Variants in CASD1 observed in about 807,000 individuals in gnomAD.
CASD1 encodes CAS1 domain sialic acid O acetyltransferase 1.
In CASD1, 41 loss-of-function variants were observed where a neutral mutation model predicts 100.0. That is an observed-to-expected ratio of 0.41 (90% CI 0.32 to 0.53). The LOEUF is 0.53. Among genes scored for constraint, CASD1 ranks in the 20% least tolerant of loss-of-function variants. The probability of loss-of-function intolerance (pLI) is 0.25; values close to 1 mark genes in which losing one functional copy is unlikely to be tolerated. For missense variants in CASD1, 774 were observed against 948.7 expected, an observed-to-expected ratio of 0.82 and a Z score of 2.42; for synonymous variants, 321 against 315.6, an observed-to-expected ratio of 1.02 and a Z score of -0.18.
At chr7:94,527,291 G>A (rs1794622963) in intron 4 of CASD1, 85 bp downstream of exon 4, 9 of 989,422 alleles carry the variant, frequency 9.1e-6, no homozygotes, top group South Asian at 8.8e-5. Flanking sequence ...ATATTTCAAT[G>A]TATTCTTGAG....
chr7:94,608,983 A>ATT, the CASD1 span, among the ~76,000 whole-genome samples: 1 of 152,226 alleles, frequency 6.6e-6, no homozygotes, highest in Admixed American at 6.5e-5. Context: ...ATAGAGGAGA[A>ATT]AATCGAGATG....
At chr7:94,600,592 A>T in the CASD1 span, 1 of 1,324,168 alleles carries the variant, frequency 7.6e-7, no homozygotes, top group Non-Finnish European at 1.1e-6. Context: ...GGAATCTTCT[A>T]TGTTGTTATC....
intron 5 of CASD1, 143 bp from the exon 6 acceptor site, chr7:94,533,062 G>A: frequency 2.0e-6 from 1 of 489,342 alleles, no homozygotes; most frequent in Non-Finnish European, 3.5e-6. Flanking sequence ...ACAATAATAA[G>A]CAATAATAAT....
chr7:94,510,125 A>C lies in CASD1; in HGVS notation c.41A>C (p.Asn14Thr). Reference protein sequence around the residue: ...LAYNLGKREINHYFSVRSAKV... With the variant: ...LAYNLGKREITHYFSVRSAKV... ...TACAACCTGGGCAAGCGGGAGATCAACCACTACTTCAGCGTGAGGAGCGCC... is the reference window on the plus strand; with the variant it reads ...TACAACCTGGGCAAGCGGGAGATCACCCACTACTTCAGCGTGAGGAGCGCC... Residue 14 changes from asparagine (N) to threonine (T), a missense_variant, in exon 1 of 18, where the codon AAC (asparagine) becomes ACC (threonine). Around this residue, in one of 5 missense-constraint regions of CASD1, gnomAD observed 75 missense variants for 60.9 expected, o/e 1.23. Transcript: ENST00000297273. The C allele has an allele frequency of 5.2e-6, 8 of 1,530,186 alleles. No homozygotes were observed. The highest frequency in any genetic ancestry group is 6.2e-6 in the Non-Finnish European group (7 of 1,137,330). The allele number at this position is 1,530,186 out of a possible 1,614,324, so 94.8% of individuals were successfully genotyped here. A position where few individuals can be genotyped will look rare whatever the true frequency, so the allele number is the denominator to read the frequency against.
chr7:94,557,262 T>C (rs1796240558), downstream of CASD1, among the ~76,000 whole-genome samples: 1 of 152,084 alleles, frequency 6.6e-6, no homozygotes. Flanking sequence ...ACTGGATTTA[T>C]GTGCTACTGA....
chr7:94,572,404 T>A, the CASD1 span, among the ~76,000 whole-genome samples: 1 of 152,236 alleles, frequency 6.6e-6, no homozygotes, highest in Non-Finnish European at 1.5e-5. Context: ...TATGTTTTTT[T>A]GTTGGCTTGG....
chr7:94,614,107 C>CAAAAAAAAAAAAAAAAAAAAAAAAAAAAA, the CASD1 span, among the ~76,000 whole-genome samples: 2 of 94,964 alleles, frequency 2.1e-5, 1 homozygote, highest in Non-Finnish European at 4.0e-5. Context: ...AAATTGAAAT[C>CAAAAAAAAAAAAAAAAAAAAAAAAAAAAA]AAAAAAAAAA....
the CASD1 span, among the ~76,000 whole-genome samples, chr7:94,631,831 GC>G: frequency 1.3e-5 from 2 of 151,914 alleles, no homozygotes; most frequent in Non-Finnish European, 2.9e-5. Flanking sequence ...TACATCCAAA[GC>G]AGAGAACATT....
intron 9 of CASD1, among the ~76,000 whole-genome samples, chr7:94,538,354 A>G (rs569443920): frequency 6.6e-6 from 1 of 152,308 alleles, no homozygotes; most frequent in Admixed American, 6.5e-5. Flanking sequence ...TGTGGCCACC[A>G]CTACTCACAG....
At chr7:94,581,795 T>G in the CASD1 span, among the ~76,000 whole-genome samples, 2 of 152,364 alleles carry the variant, frequency 1.3e-5, no homozygotes, top group South Asian at 2.1e-4. Flanking sequence ...TTTAGGTTGA[T>G]TCTACCTCTC....
the CASD1 span, chr7:94,600,999 G>A: frequency 1.4e-6 from 1 of 724,966 alleles, no homozygotes; most frequent in Admixed American, 2.2e-5. Context: ...TCTTGAATTT[G>A]CAAGTATTTA....
chr7:94,623,286 C>T, the CASD1 span: 1 of 1,273,528 alleles, frequency 7.9e-7, no homozygotes, highest in South Asian at 1.3e-5. Context: ...TGAAATACTT[C>T]TTATAAATAA....
chr7:94,549,733 AAGATGTTGATTT>A (rs1394515422), intron 14 of CASD1, 99 bp downstream of exon 14: 11 of 869,012 alleles, frequency 1.3e-5, no homozygotes, highest in Non-Finnish European at 1.8e-5. Context: ...AGAATAAATA[AAGATGTTGATTT>A]AGTAAATCAA....
In CASD1 at chr7:94,510,241, C is replaced by T. The variant is rs1041623364; in HGVS notation, c.133+24C>T. On this transcript the variant is annotated intron_variant, in intron 1 of 17. Transcript: ENST00000297273. The stretch of plus-strand genomic sequence containing the variant: ...AGGTGAGCGGGCCCTCCCCTCTGCC[C>T]GGGCAGGCCGTGGGGGAGGCGGCGA... The T allele has an allele frequency of 2.8e-6, 4 of 1,445,738 alleles. No homozygotes were observed. In the African/African-American group the frequency reaches 4.5e-5, roughly 16 times the overall value. 89.6% of individuals were successfully genotyped at this position (1,445,738 alleles called of 1,614,324 possible).
At chr7:94,623,282 ACTT>A in the CASD1 span, 1 of 1,229,154 alleles carries the variant, frequency 8.1e-7, no homozygotes, top group Non-Finnish European at 1.2e-6. Context: ...ATAATGAAAT[ACTT>A]CTTATAAATA....
At chr7:94,529,563 C>G (rs1235481112) in intron 5 of CASD1, among the ~76,000 whole-genome samples, 1 of 152,126 alleles carries the variant, frequency 6.6e-6, no homozygotes, top group Non-Finnish European at 1.5e-5. Flanking sequence ...TTACTTTTTA[C>G]TATTTCTGTA....
the CASD1 span, chr7:94,623,266 T>C: frequency 5.6e-6 from 6 of 1,072,756 alleles, no homozygotes; most frequent in Non-Finnish European, 8.4e-6. Context: ...TATGTAGTTA[T>C]AAAACATAAT....
chr7:94,614,449 A>G, the CASD1 span, among the ~76,000 whole-genome samples: 2 of 152,216 alleles, frequency 1.3e-5, no homozygotes, highest in African/African-American at 4.8e-5. Flanking sequence ...AACTTTTCCC[A>G]GAAGACAACG....
chr7:94,618,862 T>C, the CASD1 span: 1 of 1,614,084 alleles, frequency 6.2e-7, no homozygotes, highest in Non-Finnish European at 8.5e-7. Flanking sequence ...CATTTTTCAC[T>C]GCGCCAAGAA....
Sources: allele counts gnomAD v4.1 joint callset (sites outside exome capture counted in the v4.1 genomes callset), GRCh38; gene constraint gnomAD v4.1.1; regional missense constraint gnomAD v4.1.1; transcripts MANE v1.5; gene names NCBI Gene and HGNC (gene_info 2026-07-23, HGNC 2026-07-21).